The following CIROZ variants were observed in gnomAD, a reference collection of about 807,000 sequenced individuals.
CIROZ encodes the protein ciliated left-right organizer ZP-N domains-containing protein.
chr1:10,948,027 G>C, the CIROZ span: 2 of 1,613,432 alleles, frequency 1.2e-6, no homozygotes, highest in Non-Finnish European at 1.7e-6. Context: ...AGGTTCCATA[G>C]GAAGAACTGC....
At chr1:10,959,044 C>A in the CIROZ span, among the ~76,000 whole-genome samples, 1 of 152,230 alleles carries the variant, frequency 6.6e-6, no homozygotes, top group Non-Finnish European at 1.5e-5. This position sits in a 1 kb window ranked among gnomAD's most constrained non-coding sequence, Gnocchi z 4.3. Context: ...TGCATGGGAC[C>A]AACCCTGCTC....
At chr1:10,947,784 C>G in the CIROZ span, 3 of 1,598,938 alleles carry the variant, frequency 1.9e-6, no homozygotes, top group Non-Finnish European at 2.6e-6. Context: ...GGCCCCCCGG[C>G]CAGCCTGGAA....
the CIROZ span, among the ~76,000 whole-genome samples, chr1:10,961,765 G>A: frequency 2.0e-5 from 3 of 152,050 alleles, no homozygotes; most frequent in Non-Finnish European, 4.4e-5. Context: ...CCAACATGGT[G>A]AAACCCCATC....
At chr1:10,953,950 C>A in the CIROZ span, 1 of 1,525,712 alleles carries the variant, frequency 6.6e-7, no homozygotes, top group South Asian at 1.3e-5. Flanking sequence ...AACCCCAGGG[C>A]CAAGGAAAGA....
chr1:10,965,287 A>G, the CIROZ span, among the ~76,000 whole-genome samples: 1 of 152,048 alleles, frequency 6.6e-6, no homozygotes, highest in Non-Finnish European at 1.5e-5. Flanking sequence ...AGCCCCACTC[A>G]GGAAAAACTC....
the CIROZ span, among the ~76,000 whole-genome samples, chr1:10,966,837 T>A: frequency 6.6e-6 from 1 of 151,998 alleles, no homozygotes; most frequent in East Asian, 1.9e-4. Flanking sequence ...GCAGATTGTG[T>A]CTCTCCTCTG....
At chr1:10,979,498 C>A in the CIROZ span, among the ~76,000 whole-genome samples, 1 of 152,036 alleles carries the variant, frequency 6.6e-6, no homozygotes, top group Non-Finnish European at 1.5e-5. Context: ...TGCCTCCTGG[C>A]GGGAGTGAGG....
the CIROZ span, chr1:10,955,239 G>A: frequency 3.3e-6 from 5 of 1,511,228 alleles, no homozygotes; most frequent in Non-Finnish European, 4.5e-6. Context: ...GCAGGCTCGT[G>A]GACAAATTAA....
At chr1:10,980,011 C>T in the CIROZ span, among the ~76,000 whole-genome samples, 2 of 152,168 alleles carry the variant, frequency 1.3e-5, no homozygotes, top group Non-Finnish European at 2.9e-5. Flanking sequence ...CTCACCATTG[C>T]GCTCCAGCCT....
At chr1:10,960,162 T>A in the CIROZ span, among the ~76,000 whole-genome samples, 1 of 151,670 alleles carries the variant, frequency 6.6e-6, no homozygotes, top group East Asian at 1.9e-4. This position sits in a 1 kb window ranked among gnomAD's most constrained non-coding sequence, Gnocchi z 4.6. Flanking sequence ...CTGAGGCGGG[T>A]GGATCACCTG....
At chr1:10,980,737 G>A in the CIROZ span, among the ~76,000 whole-genome samples, 1 of 152,196 alleles carries the variant, frequency 6.6e-6, no homozygotes, top group Non-Finnish European at 1.5e-5. Flanking sequence ...TCCTCCTTGA[G>A]CATCAATCGG....
At chr1:10,975,341 G>T in the CIROZ span, among the ~76,000 whole-genome samples, 1 of 149,912 alleles carries the variant, frequency 6.7e-6, no homozygotes, top group Non-Finnish European at 1.5e-5. Context: ...GGGAGCAGAG[G>T]TTGTGGTGAG....
the CIROZ span, chr1:10,949,393 G>A: frequency 1.7e-6 from 1 of 576,252 alleles, no homozygotes. Flanking sequence ...CGTGATCCAG[G>A]CCGACAGATG....
At chr1:10,976,379 T>C in the CIROZ span, 29 of 682,092 alleles carry the variant, frequency 4.3e-5, no homozygotes, top group Non-Finnish European at 5.8e-5. Flanking sequence ...TCCGTCACCC[T>C]GGCTGGAGTG....
chr1:10,954,147 G>A, the CIROZ span: 1 of 1,610,446 alleles, frequency 6.2e-7, no homozygotes, highest in Non-Finnish European at 8.5e-7. Context: ...GCATCGCTGT[G>A]GGGCCACAAG....
At chr1:10,966,235 T>C in the CIROZ span, 1 of 1,260,962 alleles carries the variant, frequency 7.9e-7, no homozygotes, top group Non-Finnish European at 1.0e-6. Flanking sequence ...ACTTCTGGTC[T>C]CCCTCAGCTC....
At chr1:10,963,111 G>A in the CIROZ span, among the ~76,000 whole-genome samples, 6 of 151,572 alleles carry the variant, frequency 4.0e-5, no homozygotes, top group South Asian at 2.1e-4. Flanking sequence ...AAAACAGGCC[G>A]GGTGCAGTGG....
the CIROZ span, among the ~76,000 whole-genome samples, chr1:10,972,420 T>TACAC: frequency 0.27 from 35,194 of 130,876 alleles, 5,188 homozygotes; most frequent in South Asian, 0.35. Context: ...GTCTCTGAAA[T>TACAC]ACACACACAC....
the CIROZ span, among the ~76,000 whole-genome samples, chr1:10,947,111 T>TTA: frequency 1.3e-5 from 2 of 152,190 alleles, no homozygotes; most frequent in African/African-American, 4.8e-5. Flanking sequence ...GGAGGAATGA[T>TTA]TACCATCCCC....
Sources: allele counts gnomAD v4.1 joint callset (sites outside exome capture counted in the v4.1 genomes callset), GRCh38; gene constraint gnomAD v4.1.1; non-coding constraint Gnocchi (gnomAD v3.1); transcripts MANE v1.5; gene names NCBI Gene and HGNC (gene_info 2026-07-23, HGNC 2026-07-21).